The following RAB38 variants were observed in gnomAD, a reference collection of about 807,000 sequenced individuals.
RAB38 encodes the protein RAB38, member RAS oncogene family.
A neutral mutation model predicts 18.4 loss-of-function variants in RAB38; 15 were observed. The observed-to-expected ratio is 0.82, with a 90% CI of 0.55 to 1.26. The LOEUF (loss-of-function observed/expected upper bound fraction) is 1.26, where lower values mean the gene tolerates loss of function less well. Among genes scored for constraint, RAB38 ranks in the 50% most tolerant of loss-of-function variants. RAB38 has a pLI of 0.00. For synonymous variants in RAB38, 101 were observed against 104.4 expected (o/e 0.97, Z 0.20); for missense variants, 294 against 267.4 (o/e 1.10, Z -0.69).
the RAB38 span, among the ~76,000 whole-genome samples, chr11:88,064,739 T>G: frequency 6.6e-6 from 1 of 152,196 alleles, no homozygotes; most frequent in Admixed American, 6.5e-5. Context: ...TACATGAAAT[T>G]TTCTTTGTAT....
chr11:87,907,915 T>C, the RAB38 span, among the ~76,000 whole-genome samples: 1 of 151,784 alleles, frequency 6.6e-6, no homozygotes, highest in Non-Finnish European at 1.5e-5. Flanking sequence ...CTAATATATA[T>C]AAGCACACAT....
At chr11:88,153,758 A>T (rs1466947136) in intron 1 of RAB38, among the ~76,000 whole-genome samples, 1 of 152,194 alleles carries the variant, frequency 6.6e-6, no homozygotes, top group African/African-American at 2.4e-5. Flanking sequence ...AGGAATTTGT[A>T]TTTTTAAGCC....
chr11:88,007,052 A>T, the RAB38 span, among the ~76,000 whole-genome samples: 1 of 151,924 alleles, frequency 6.6e-6, no homozygotes, highest in Admixed American at 6.6e-5. Flanking sequence ...TGGATATGCT[A>T]ATTACCCTGA....
the RAB38 span, among the ~76,000 whole-genome samples, chr11:88,093,891 A>G: frequency 6.6e-6 from 1 of 151,746 alleles, no homozygotes; most frequent in African/African-American, 2.4e-5. Context: ...TGTCCTACCC[A>G]CTTTTTCTAA....
At chr11:87,816,189 T>C in the RAB38 span, 2 of 152,358 alleles carry the variant, frequency 1.3e-5, no homozygotes, top group Non-Finnish European at 2.9e-5. Context: ...TGGTTTTTCA[T>C]ACCATTAGTC....
chr11:88,038,332 C>A, the RAB38 span, among the ~76,000 whole-genome samples: 2 of 152,172 alleles, frequency 1.3e-5, no homozygotes, highest in Non-Finnish European at 2.9e-5. Flanking sequence ...AGCAATGGAG[C>A]AGTTGGTTCC....
At position 88,175,199 on chromosome 11, in the gene RAB38, C is replaced by G. The variant is rs1943370623; in HGVS notation, c.186G>C (p.Gln62His). Residue 62 changes from glutamine (Q) to histidine (H), a missense_variant, in exon 1 of 3, where the codon CAG (glutamine) becomes CAC (histidine). Coordinates refer to ENST00000243662, the MANE Select transcript of RAB38 (RefSeq NM_022337.3). ...CGCGCTCACCTGCGATATCCCAGAG[C>G]TGCAGGCGCACCACAGTCTCCGGGT... ...HWDPETVVRLQLWDIAGQERF... is the reference protein window; with the variant it reads ...HWDPETVVRLHLWDIAGQERF... 2 of 1,610,996 alleles carry G rather than the reference C, an allele frequency of 1.2e-6. No individual in the cohort carries two copies. Among genetic ancestry groups the G allele is most frequent in the African/African-American group, 2.7e-5 (2 of 74,880 alleles).
At chr11:88,028,536 G>T in the RAB38 span, among the ~76,000 whole-genome samples, 1 of 152,152 alleles carries the variant, frequency 6.6e-6, no homozygotes. Context: ...GTGCTTAAAG[G>T]GGATAATGGA....
At chr11:87,933,942 GAA>G in the RAB38 span, among the ~76,000 whole-genome samples, 2 of 152,232 alleles carry the variant, frequency 1.3e-5, no homozygotes, top group African/African-American at 4.8e-5. Context: ...AAGGCATCAT[GAA>G]GAGAAGTTTG....
At chr11:87,940,647 A>AG in the RAB38 span, among the ~76,000 whole-genome samples, 1 of 151,944 alleles carries the variant, frequency 6.6e-6, no homozygotes, top group Non-Finnish European at 1.5e-5. Context: ...AGAGAGAGAA[A>AG]GAAAGAAAGA....
At chr11:88,088,575 T>G in the RAB38 span, among the ~76,000 whole-genome samples, 5 of 151,912 alleles carry the variant, frequency 3.3e-5, no homozygotes, top group Non-Finnish European at 7.4e-5. Context: ...GATTTCATGA[T>G]TTTTTGAAAG....
At chr11:87,804,827 C>G in the RAB38 span, among the ~76,000 whole-genome samples, 1 of 152,162 alleles carries the variant, frequency 6.6e-6, no homozygotes, top group African/African-American at 2.4e-5. Context: ...AAATACTCCT[C>G]TAATGATGAA....
the RAB38 span, among the ~76,000 whole-genome samples, chr11:87,865,995 T>G: frequency 2.6e-5 from 4 of 151,776 alleles, no homozygotes; most frequent in African/African-American, 9.6e-5. Context: ...TTGTTAGCCT[T>G]TGCAATAGAA....
chr11:88,143,150 T>C (rs1942937351), intron 2 of RAB38, among the ~76,000 whole-genome samples: 1 of 152,240 alleles, frequency 6.6e-6, no homozygotes, highest in Non-Finnish European at 1.5e-5. Flanking sequence ...CATACCGCAA[T>C]GAGATCTTTA....
At chr11:87,855,220 C>A in the RAB38 span, among the ~76,000 whole-genome samples, 1 of 152,142 alleles carries the variant, frequency 6.6e-6, no homozygotes, top group Non-Finnish European at 1.5e-5. Context: ...TCTGAGCAGT[C>A]AGATTTCTTA....
the RAB38 span, among the ~76,000 whole-genome samples, chr11:87,838,488 T>C: frequency 6.6e-6 from 1 of 152,226 alleles, no homozygotes; most frequent in African/African-American, 2.4e-5. Context: ...CATTCTTAAC[T>C]AATGAGTTCA....
the RAB38 span, among the ~76,000 whole-genome samples, chr11:87,953,366 TCATAAAACAAGTGCCTGG>T: frequency 1.4e-3 from 211 of 152,276 alleles, no homozygotes; most frequent in African/African-American, 4.9e-3. Context: ...AGCTTTTTAG[TCATAAAACAAGTGCCTGG>T]ATAGCAACTC....
chr11:88,146,691 G>C (rs1942990862), intron 2 of RAB38, among the ~76,000 whole-genome samples: 1 of 152,188 alleles, frequency 6.6e-6, no homozygotes, highest in Admixed American at 6.5e-5. Flanking sequence ...TTGTTTCTGA[G>C]CTTCTCAGTG....
At chr11:88,027,033 G>C in the RAB38 span, among the ~76,000 whole-genome samples, 1 of 152,054 alleles carries the variant, frequency 6.6e-6, no homozygotes, top group Non-Finnish European at 1.5e-5. Context: ...CACTGAGTTT[G>C]CTAAATTCAT....
Sources: allele counts gnomAD v4.1 joint callset (sites outside exome capture counted in the v4.1 genomes callset), GRCh38; gene constraint gnomAD v4.1.1; transcripts MANE v1.5; gene names NCBI Gene and HGNC (gene_info 2026-07-23, HGNC 2026-07-21).